ZNF469: variants seen among roughly 807,000 people sequenced by gnomAD.
ZNF469 encodes zinc finger protein 469.
A neutral mutation model predicts 1.0 loss-of-function variants in ZNF469; 1 was observed. That is an observed-to-expected ratio of 1.00 (90% CI 0.35 to 4.73). The LOEUF (loss-of-function observed/expected upper bound fraction) is 4.73. ZNF469 is among the 30% of genes most tolerant of loss of function. The probability of loss-of-function intolerance (pLI) is 0.16; values close to 1 mark genes in which losing one functional copy is unlikely to be tolerated. For missense variants in ZNF469, 6,100 were observed against 5,356.3 expected (o/e 1.14, Z -4.33); for synonymous variants, 2,703 against 2,363.4 (o/e 1.14, Z -4.17).
At chr16:88,160,697 A>T in the ZNF469 span, among the ~76,000 whole-genome samples, 1 of 152,202 alleles carries the variant, frequency 6.6e-6, no homozygotes, top group Admixed American at 6.5e-5. Context: ...GTTAGGGTTG[A>T]GGCACTGCTG....
Position 88,434,965 on chromosome 16 carries a change from C to A in ZNF469, c.7495C>A (p.Pro2499Thr), listed in dbSNP as rs752436384. The A allele has an allele frequency of 4.5e-6, 7 of 1,549,772 alleles. No individual in the cohort carries two copies. The East Asian group carries it at 1.5e-4, about 32-fold the overall frequency. The change falls in exon 3 of 3, where the codon CCG becomes ACG. Residue 2499 changes from proline (P) to threonine (T), a missense_variant. Pro to Thr is a conservative substitution (Grantham distance 38). Transcript: ENST00000565624. ...CAAGGCCAGGAAGCACCGGCCACAC[C>A]CGGGAGCCCCCGCGGAGCCGAGCCC... ...RHKARKHRPH[P>T]GAPAEPSPAA...
chr16:88,420,878 G>A (rs1905435744), intron 1 of ZNF469, among the ~76,000 whole-genome samples: 1 of 152,234 alleles, frequency 6.6e-6, no homozygotes, highest in Non-Finnish European at 1.5e-5. Flanking sequence ...GGATCTGAGA[G>A]TCAAGCCCAG....
chr16:88,130,442 C>T, the ZNF469 span, among the ~76,000 whole-genome samples: 36 of 152,106 alleles, frequency 2.4e-4, no homozygotes, highest in Non-Finnish European at 5.9e-5. Flanking sequence ...AGGACTTCAC[C>T]GGCACCAGGT....
intron 1 of ZNF469, among the ~76,000 whole-genome samples, chr16:88,395,062 C>G (rs1417988440): frequency 6.6e-6 from 1 of 152,216 alleles, no homozygotes; most frequent in African/African-American, 2.4e-5. Flanking sequence ...TGCCCCCCGC[C>G]GCAAGGAGTG....
chr16:88,178,092 C>G, the ZNF469 span: 1 of 152,256 alleles, frequency 6.6e-6, no homozygotes, highest in African/African-American at 2.4e-5. Flanking sequence ...GCACATTTGA[C>G]TTTTTCACTC....
chr16:88,429,742 G>T lies in ZNF469; in HGVS notation c.2272G>T (p.Ala758Ser). ...AHRQFCGLLL[A>S]RAKDGHQRSP... The stretch of plus-strand genomic sequence containing the variant: ...CCGGCAGTTCTGTGGCCTGCTCCTG[G>T]CCAGGGCCAAGGATGGCCACCAGCG... Residue 758 changes from alanine to serine, a missense_variant, in exon 3 of 3, where the codon GCC becomes TCC. Physicochemically the swap from Ala to Ser is moderately conservative, Grantham distance 99 (BLOSUM62 1). Coordinates refer to ENST00000565624, the MANE Select transcript of ZNF469 (RefSeq NM_001367624.2). 6.5e-7 allele frequency: 1 copy of T among 1,544,626 alleles called. No individual in the cohort carries two copies.
chr16:88,391,541 A>C (rs904641812), intron 1 of ZNF469, among the ~76,000 whole-genome samples: 3 of 152,226 alleles, frequency 2.0e-5, no homozygotes, highest in Non-Finnish European at 4.4e-5. Flanking sequence ...CTCTTCATCA[A>C]GTGGAGGGCT....
chr16:88,356,256 G>A, the ZNF469 span, among the ~76,000 whole-genome samples: 10 of 152,124 alleles, frequency 6.6e-5, no homozygotes, highest in African/African-American at 2.4e-4. Flanking sequence ...GATCAAAGGG[G>A]AGTGGTCAGG....
the ZNF469 span, among the ~76,000 whole-genome samples, chr16:88,157,753 C>G: frequency 1.3e-5 from 2 of 152,120 alleles, no homozygotes; most frequent in South Asian, 2.1e-4. Context: ...GCCCCCATCC[C>G]GAGTCTGGGT....
chr16:88,143,472 C>A, the ZNF469 span, among the ~76,000 whole-genome samples: 3 of 152,108 alleles, frequency 2.0e-5, no homozygotes, highest in Admixed American at 6.5e-5. Context: ...CACTCCTTCC[C>A]CCTAAGACGC....
the ZNF469 span, among the ~76,000 whole-genome samples, chr16:88,239,550 C>T: frequency 2.0e-5 from 3 of 147,916 alleles, no homozygotes; most frequent in Non-Finnish European, 4.5e-5. Flanking sequence ...TGCAGTGGCG[C>T]GATCTCGGCT....
chr16:88,412,118 G>A (rs1905188045), intron 1 of ZNF469, among the ~76,000 whole-genome samples: 5 of 152,084 alleles, frequency 3.3e-5, no homozygotes, highest in Admixed American at 2.0e-4. Flanking sequence ...GCAGGGGCCA[G>A]CATAGAGCCC....
chr16:88,311,613 AC>A, the ZNF469 span, among the ~76,000 whole-genome samples: 1 of 152,106 alleles, frequency 6.6e-6, no homozygotes, highest in Non-Finnish European at 1.5e-5. Context: ...TCTATAACTT[AC>A]TGTGCTGGGC....
the ZNF469 span, among the ~76,000 whole-genome samples, chr16:88,326,693 G>T: frequency 6.6e-6 from 1 of 152,072 alleles, no homozygotes; most frequent in East Asian, 1.9e-4. Context: ...TTGCTTTAAC[G>T]TCACTGACTC....
intron 1 of ZNF469, among the ~76,000 whole-genome samples, chr16:88,411,354 G>T (rs944613027): frequency 2.0e-5 from 3 of 152,200 alleles, no homozygotes; most frequent in Non-Finnish European, 4.4e-5. Context: ...AGCCCCGGCG[G>T]GTGGTCCAGG....
the ZNF469 span, among the ~76,000 whole-genome samples, chr16:88,366,988 C>A: frequency 6.6e-6 from 1 of 152,060 alleles, no homozygotes; most frequent in Non-Finnish European, 1.5e-5. Flanking sequence ...TCACTGACAC[C>A]TCCATCCTCA....
chr16:88,395,325 T>C (rs969581142), intron 1 of ZNF469, among the ~76,000 whole-genome samples: 31 of 146,528 alleles, frequency 2.1e-4, no homozygotes, highest in Non-Finnish European at 3.3e-4. Flanking sequence ...GGTGGATGGA[T>C]TGATGGGTTG....
the ZNF469 span, among the ~76,000 whole-genome samples, chr16:88,120,920 C>A: frequency 6.6e-6 from 1 of 152,184 alleles, no homozygotes; most frequent in Non-Finnish European, 1.5e-5. Context: ...GTTTCTTGGT[C>A]CTCAGCCATG....
the ZNF469 span, among the ~76,000 whole-genome samples, chr16:88,314,311 T>G: frequency 3.4e-5 from 5 of 149,018 alleles, no homozygotes; most frequent in African/African-American, 9.8e-5. Context: ...GCAGTGCTGC[T>G]GTGGACTGTC....
Sources: gnomAD v4.1 joint callset for allele counts (sites outside exome capture counted in the v4.1 genomes callset) on GRCh38, gnomAD v4.1.1 for gene constraint, MANE v1.5 for transcripts, NCBI Gene and HGNC (gene_info 2026-07-23, HGNC 2026-07-21) for gene names.